STXBP5L: variants seen among roughly 807,000 people sequenced by gnomAD.
STXBP5L encodes the protein syntaxin-binding protein 5-like.
A neutral mutation model predicts 144.5 loss-of-function variants in STXBP5L; 65 were observed. The ratio of observed to expected loss-of-function variants is 0.45; its 90% CI spans 0.37 to 0.55. The LOEUF (loss-of-function observed/expected upper bound fraction) is 0.55. Among genes scored for constraint, STXBP5L ranks in the 20% least tolerant of loss-of-function variants. The pLI is 0.00. For synonymous variants in STXBP5L, 505 were observed against 469.6 expected, an observed-to-expected ratio of 1.08 and a Z score of -0.97; for missense variants, 1,298 against 1,405.5, an observed-to-expected ratio of 0.92 and a Z score of 1.22.
intron 3 of STXBP5L, among the ~76,000 whole-genome samples, chr3:120,955,756 G>A (rs1431931742): frequency 6.6e-6 from 1 of 151,792 alleles, no homozygotes; most frequent in Non-Finnish European, 1.5e-5. Context: ...ATCACCACAA[G>A]GATTCTTCAT....
At chr3:121,175,834 C>G (rs1221475612) in intron 9 of STXBP5L, among the ~76,000 whole-genome samples, 1 of 147,844 alleles carries the variant, frequency 6.8e-6, no homozygotes, top group Non-Finnish European at 1.5e-5. Context: ...ACTTTAAATA[C>G]AAAACTATAG....
intron 3 of STXBP5L, among the ~76,000 whole-genome samples, chr3:121,009,590 C>T (rs1944617899): frequency 6.6e-6 from 1 of 151,920 alleles, no homozygotes; most frequent in Middle Eastern, 3.2e-3. Flanking sequence ...CTTATTTCTC[C>T]TCTTTGTGGT....
chr3:121,025,456 A>G (rs1306931703), intron 3 of STXBP5L, among the ~76,000 whole-genome samples: 1 of 152,132 alleles, frequency 6.6e-6, no homozygotes. Flanking sequence ...CTCTTGAATA[A>G]TCAGATCTGA....
At chr3:121,044,572 C>T (rs1042224547) in intron 4 of STXBP5L, among the ~76,000 whole-genome samples, 1 of 152,126 alleles carries the variant, frequency 6.6e-6, no homozygotes, top group Non-Finnish European at 1.5e-5. Flanking sequence ...TCTTAGAGAA[C>T]ACATTTAATG....
At chr3:120,954,728 T>C (rs940421553) in intron 2 of STXBP5L, among the ~76,000 whole-genome samples, 15 of 152,106 alleles carry the variant, frequency 9.9e-5, no homozygotes, top group African/African-American at 3.1e-4. Flanking sequence ...TATAAGAAAC[T>C]GCAAGATATT....
chr3:121,310,587 C>G (rs1436075254), intron 19 of STXBP5L, among the ~76,000 whole-genome samples: 1 of 151,030 alleles, frequency 6.6e-6, no homozygotes, highest in South Asian at 2.1e-4. Flanking sequence ...TGCACTCCAG[C>G]CTGGGTGACA....
At chr3:120,932,912 C>T (rs1266987357) in intron 2 of STXBP5L, among the ~76,000 whole-genome samples, 1 of 151,912 alleles carries the variant, frequency 6.6e-6, no homozygotes, top group African/African-American at 2.4e-5. Flanking sequence ...ATGGATGAAG[C>T]TGGAAACCAT....
Position 121,259,668 on chromosome 3 carries a change from A to C in STXBP5L, c.1958+500A>C, listed in dbSNP as rs115302875. On this transcript the variant is annotated intron_variant, in intron 18 of 26. Coordinates refer to ENST00000471454, the MANE Select transcript of STXBP5L (RefSeq NM_001308330.2). ...TTATTTCTTTGAACATATTGAATGT[A>C]TGACTTTAAAATGTGTTACTTTAAA... 4.8e-3 allele frequency among the ~76,000 whole-genome samples: 725 copies of C among 152,204 alleles called. 5 individuals are homozygous for C. The highest frequency in any genetic ancestry group is 0.016 in the African/African-American group (683 of 41,566).
At chr3:121,208,310 A>G (rs1440039991) in intron 10 of STXBP5L, among the ~76,000 whole-genome samples, 2 of 133,618 alleles carry the variant, frequency 1.5e-5, no homozygotes, top group Admixed American at 1.6e-4. Context: ...AGGAAGGGGA[A>G]CATCACACAC....
intron 19 of STXBP5L, among the ~76,000 whole-genome samples, chr3:121,303,857 A>T (rs1215976750): frequency 6.6e-6 from 1 of 151,870 alleles, no homozygotes; most frequent in Admixed American, 6.6e-5. Flanking sequence ...GAAGGGGAAC[A>T]TCACACCCCG....
chr3:121,103,375 A>G (rs1437003908), intron 5 of STXBP5L, among the ~76,000 whole-genome samples: 1 of 152,176 alleles, frequency 6.6e-6, no homozygotes, highest in African/African-American at 2.4e-5. Context: ...AAATGAAGTC[A>G]TGTTCTTTGC....
intron 7 of STXBP5L, among the ~76,000 whole-genome samples, chr3:121,138,929 C>T (rs1463057050): frequency 1.3e-5 from 2 of 151,710 alleles, no homozygotes; most frequent in Admixed American, 6.6e-5. Flanking sequence ...CAAAAATGTT[C>T]GCATAGCAAA....
chr3:121,424,143 G>T lies in STXBP5L; in HGVS notation c.*5046G>T, dbSNP rs1380477693. The T allele has an allele frequency of 6.6e-6, 1 of 152,150 alleles. No individual in the cohort carries two copies. Among genetic ancestry groups the T allele is most frequent in the African/African-American group, 2.4e-5 (1 of 41,430 alleles). 9.4% of individuals were successfully genotyped at this position (152,150 alleles called of 1,614,324 possible). On this transcript the variant is annotated 3_prime_UTR_variant, in exon 27 of 27. Transcript: ENST00000471454. ...ATTTATTATTCATTCTTCTTCTGGA[G>T]GAGACATGGGTACCAGGTACCTGTT...
At chr3:121,311,615 C>A (rs1051215538) in intron 19 of STXBP5L, among the ~76,000 whole-genome samples, 14 of 152,098 alleles carry the variant, frequency 9.2e-5, no homozygotes, top group Non-Finnish European at 1.9e-4. Context: ...GAATAAAATA[C>A]TTAGGAATCC....
chr3:121,024,922 T>C (rs906402787), intron 3 of STXBP5L, among the ~76,000 whole-genome samples: 1 of 152,188 alleles, frequency 6.6e-6, no homozygotes, highest in African/African-American at 2.4e-5. Flanking sequence ...GAAAAATCAC[T>C]TAATTTCTCA....
chr3:121,380,787 G>C (rs2046305286), intron 21 of STXBP5L, among the ~76,000 whole-genome samples: 1 of 152,030 alleles, frequency 6.6e-6, no homozygotes, highest in Admixed American at 6.6e-5. Flanking sequence ...TTTTAGAATT[G>C]TAATTACCCC....
chr3:121,346,735 C>A (rs1299168234), intron 20 of STXBP5L, among the ~76,000 whole-genome samples: 1 of 152,186 alleles, frequency 6.6e-6, no homozygotes, highest in Non-Finnish European at 1.5e-5. Context: ...TGTCTTTTGT[C>A]TGCATAAATG....
At chr3:121,123,170 G>A (rs538298948) in intron 7 of STXBP5L, among the ~76,000 whole-genome samples, 1 of 151,486 alleles carries the variant, frequency 6.6e-6, no homozygotes, top group African/African-American at 2.4e-5. Flanking sequence ...CCGACAAAAT[G>A]TTAAACACTA....
chr3:120,952,133 C>T, intron 2 of STXBP5L, among the ~76,000 whole-genome samples: 2 of 142,746 alleles, frequency 1.4e-5, no homozygotes, highest in South Asian at 2.2e-4. Flanking sequence ...GGAAGGGGAA[C>T]ATCACACTCT....
Sources: gnomAD v4.1 joint callset for allele counts (sites outside exome capture counted in the v4.1 genomes callset) on GRCh38, gnomAD v4.1.1 for gene constraint, MANE v1.5 for transcripts, NCBI Gene and HGNC (gene_info 2026-07-23, HGNC 2026-07-21) for gene names.